TNKS: variants seen among roughly 807,000 people sequenced by gnomAD.
TNKS encodes the protein tankyrase, also known as poly [ADP-ribose] polymerase tankyrase-1.
Under a neutral mutation model 135.8 loss-of-function variants are expected in TNKS, and 72 were observed. The ratio of observed to expected loss-of-function variants is 0.53; its 90% CI spans 0.44 to 0.64. The LOEUF (loss-of-function observed/expected upper bound fraction) is 0.64, where lower values mean the gene tolerates loss of function less well. TNKS is among the 30% of genes least tolerant of loss of function. The pLI is 0.00. For missense variants in TNKS, 1,769 were observed against 1,674.0 expected, an observed-to-expected ratio of 1.06 and a Z score of -0.99; for synonymous variants, 849 against 649.3, an observed-to-expected ratio of 1.31 and a Z score of -4.68.
chr8:9,702,008 A>G (rs968854340), intron 5 of TNKS, among the ~76,000 whole-genome samples: 12 of 152,306 alleles, frequency 7.9e-5, no homozygotes, highest in South Asian at 4.1e-4. Context: ...CATAGTAAAA[A>G]GCCCTCATAA....
chr8:9,764,674 A>C, intron 22 of TNKS, 42 bp from the exon 23 acceptor site: 1 of 1,482,832 alleles, frequency 6.7e-7, no homozygotes, highest in Non-Finnish European at 9.2e-7. Context: ...CTAGAATTAC[A>C]CACTGGGATG....
intron 1 of TNKS, among the ~76,000 whole-genome samples, chr8:9,569,213 T>C (rs759067769): frequency 1.3e-5 from 2 of 152,340 alleles, no homozygotes; most frequent in Non-Finnish European, 2.9e-5. Context: ...TAATAATTCC[T>C]GTCATCACTC....
chr8:9,589,943 C>T (rs1199095747), intron 2 of TNKS, among the ~76,000 whole-genome samples: 1 of 152,238 alleles, frequency 6.6e-6, no homozygotes, highest in African/African-American at 2.4e-5. Context: ...CACGTCTCCT[C>T]TGTTCATGTG....
intron 3 of TNKS, among the ~76,000 whole-genome samples, chr8:9,668,523 C>A (rs928225079): frequency 6.6e-5 from 10 of 152,086 alleles, no homozygotes; most frequent in Admixed American, 2.0e-4. Context: ...AGTTTGATAT[C>A]CTTATGATTA....
intron 2 of TNKS, among the ~76,000 whole-genome samples, chr8:9,590,510 T>A (rs1243800277): frequency 6.6e-6 from 1 of 152,246 alleles, no homozygotes; most frequent in Non-Finnish European, 1.5e-5. Flanking sequence ...ATCTGTGTAC[T>A]CTTCCCAACT....
At chr8:9,763,559 G>A (rs1033932373) in intron 22 of TNKS, among the ~76,000 whole-genome samples, 2 of 152,136 alleles carry the variant, frequency 1.3e-5, no homozygotes, top group African/African-American at 4.8e-5. Context: ...ACCTAAGAAT[G>A]ACATAGAATG....
chr8:9,740,170 T>C (rs112969805), intron 17 of TNKS, among the ~76,000 whole-genome samples: 4,592 of 151,630 alleles, frequency 0.03, 169 homozygotes, highest in African/African-American at 0.091. Context: ...ATGTCAGAAC[T>C]GACTGACTGG....
intron 3 of TNKS, among the ~76,000 whole-genome samples, chr8:9,656,611 C>T (rs1439502925): frequency 3.4e-4 from 46 of 136,458 alleles, no homozygotes; most frequent in Middle Eastern, 7.5e-3. Context: ...AAAGAATTTT[C>T]TTTTTTTTTT....
At chr8:9,578,216 C>G (rs1382874477) in intron 1 of TNKS, among the ~76,000 whole-genome samples, 2 of 152,138 alleles carry the variant, frequency 1.3e-5, no homozygotes, top group East Asian at 1.9e-4. Flanking sequence ...TATTCAGATC[C>G]GTAGAGAAGG....
chr8:9,719,085 T>A (rs1023991285), intron 11 of TNKS, among the ~76,000 whole-genome samples: 1 of 152,246 alleles, frequency 6.6e-6, no homozygotes, highest in Non-Finnish European at 1.5e-5. Flanking sequence ...CATTGATACA[T>A]GCTAATGGCT....
At chr8:9,598,765 GTATATATATATATATATATA>G (rs71201956) in intron 2 of TNKS, among the ~76,000 whole-genome samples, 999 of 49,614 alleles carry the variant, frequency 0.02, 33 homozygotes, top group East Asian at 0.11. Context: ...ATGTGTGTGT[GTATATATATATATATATATA>G]TATATATATA....
intron 5 of TNKS, among the ~76,000 whole-genome samples, chr8:9,688,373 G>C (rs1378092071): frequency 6.6e-6 from 1 of 152,164 alleles, no homozygotes; most frequent in Non-Finnish European, 1.5e-5. Context: ...GTTAATTATG[G>C]ATTTAAGAAT....
chr8:9,656,175 A>G (rs1419930831), intron 3 of TNKS, among the ~76,000 whole-genome samples: 2 of 152,224 alleles, frequency 1.3e-5, no homozygotes, highest in East Asian at 3.8e-4. Context: ...AAATGAAGCG[A>G]GAAGAGAAGT....
Position 9,779,700 on chromosome 8 carries a change from T to A in TNKS, c.*2964T>A, listed in dbSNP as rs957500247. ...GTCTTAAAAAAGGAGACCAGATACC[T>A]CCTAGCTTTTGTATCACAACCAGGA... On this transcript the variant is annotated 3_prime_UTR_variant, in exon 27 of 27. Transcript: ENST00000310430. 3 of 152,196 alleles carry A rather than the reference T, an allele frequency of 2.0e-5. No homozygotes were observed. Among genetic ancestry groups the A allele is most frequent in the African/African-American group, 7.2e-5 (3 of 41,452 alleles). 9.4% of individuals were successfully genotyped at this position (152,196 alleles called of 1,614,324 possible).
Position 9,770,093 on chromosome 8 carries a change from T to C in TNKS, c.3741-13T>C, listed in dbSNP as rs34806026. Reference sequence around the variant, plus strand: ...AGCTTCCTTCAAAGCATTGTTTTTTTCTTTTTCCTTAGACAAATGCTCTTC... The same window carrying C: ...AGCTTCCTTCAAAGCATTGTTTTTTCCTTTTTCCTTAGACAAATGCTCTTC... On this transcript the variant is annotated splice_polypyrimidine_tract_variant and intron_variant, in intron 25 of 26. Coordinates refer to ENST00000310430, the MANE Select transcript of TNKS (RefSeq NM_003747.3). 41,970 of 1,584,312 alleles carry C rather than the reference T, an allele frequency of 0.026. 1,034 individuals carry two copies. The highest frequency in any genetic ancestry group is 0.11 in the South Asian group (9,730 of 87,740).
intron 12 of TNKS, among the ~76,000 whole-genome samples, chr8:9,723,127 A>G (rs1227466775): frequency 6.7e-6 from 1 of 148,388 alleles, no homozygotes; most frequent in East Asian, 2.0e-4. Context: ...TAAAAAATAT[A>G]TATAGGAAAA....
At chr8:9,567,829 C>G (rs779157793) in intron 1 of TNKS, among the ~76,000 whole-genome samples, 1 of 152,204 alleles carries the variant, frequency 6.6e-6, no homozygotes, top group South Asian at 2.1e-4. Flanking sequence ...TGAACAGTAA[C>G]TGAAACATAT....
At chr8:9,667,839 G>GTT (rs35555078) in intron 3 of TNKS, among the ~76,000 whole-genome samples, 7 of 127,518 alleles carry the variant, frequency 5.5e-5, no homozygotes, top group East Asian at 4.3e-4. Flanking sequence ...GCCCTTCTGG[G>GTT]TTTTTTTTTT....
At chr8:9,771,202 GGAGGAAGAGAGA>G (rs1350049667) in intron 26 of TNKS, among the ~76,000 whole-genome samples, 6 of 145,988 alleles carry the variant, frequency 4.1e-5, no homozygotes, top group African/African-American at 1.0e-4. Context: ...AGGAAGTGAG[GGAGGAAGAGAGA>G]GAGGAAGGGA....
Sources: gnomAD v4.1 joint callset for allele counts (sites outside exome capture counted in the v4.1 genomes callset) on GRCh38, gnomAD v4.1.1 for gene constraint, MANE v1.5 for transcripts, NCBI Gene and HGNC (gene_info 2026-07-23, HGNC 2026-07-21) for gene names.